ECEL1: variants seen among roughly 807,000 people sequenced by gnomAD.
ECEL1 encodes endothelin-converting enzyme-like 1.
A neutral mutation model predicts 101.8 loss-of-function variants in ECEL1; 87 were observed. That is an observed-to-expected ratio of 0.85 (90% CI 0.72 to 1.02). ECEL1 has a LOEUF of 1.02. Ranked by LOEUF, ECEL1 falls within the 50% of genes least tolerant of loss-of-function variation. The pLI, the probability that ECEL1 is intolerant of heterozygous loss-of-function variation, is 0.00. For missense variants in ECEL1, 1,032 were observed against 1,079.2 expected (o/e 0.96, Z 0.61); for synonymous variants, 487 against 468.7 (o/e 1.04, Z -0.50).
In ECEL1 at chr2:232,486,203, C is replaced by T; in HGVS notation, c.451G>A (p.Ala151Thr). ...PDDKLTYGTI[A>T]AIGEQNEERL... ...TCCTCGTTTTGCTCGCCGATGGCCG[C>T]GATGGTGCCATAGGTGAGCTTGTCG... The change falls in exon 2 of 18, where the codon GCG becomes ACG. Residue 151 changes from alanine to threonine, a missense_variant. Transcript: ENST00000304546. The T allele has an allele frequency of 6.3e-7, 1 of 1,598,558 alleles. No homozygotes were observed.
At chr2:232,487,620 G>A (rs138506831) in intron 1 of ECEL1, 99 bp downstream of exon 1, 3,302 of 153,238 alleles carry the variant, frequency 0.022, 66 homozygotes, top group Non-Finnish European at 0.029. Context: ...GCAGCCGAGA[G>A]GACGCAGACA....
chr2:232,481,223 C>A, intron 14 of ECEL1, 67 bp from the exon 15 acceptor site: 1 of 1,527,620 alleles, frequency 6.5e-7, no homozygotes. Flanking sequence ...GCATTGATAC[C>A]CTGGGCCCCA....
Position 232,480,158 on chromosome 2 carries a change from A to C in ECEL1, c.2323T>G (p.Trp775Gly). 6.2e-7 allele frequency: 1 copy of C among 1,613,302 alleles called. No individual in the cohort carries two copies. ...GTGCAGGCGGGCAGCCAGGCTCACC[A>C]CACGGAACACTTGTGGGCAGGGTTC... Reference protein sequence around the residue: ...PMNPAHKCSVW With the variant: ...PMNPAHKCSVG The change falls in exon 18 of 18, where the codon TGG becomes GGG. Residue 775 changes from tryptophan to glycine, a missense_variant. Transcript: ENST00000304546.
intron 2 of ECEL1, among the ~76,000 whole-genome samples, chr2:232,485,477 C>T (rs984964722): frequency 6.6e-6 from 1 of 152,212 alleles, no homozygotes; most frequent in Non-Finnish European, 1.5e-5. Context: ...AATCTTACCC[C>T]TGTACGTCTG....
Position 232,485,948 on chromosome 2 carries a change from G to A in ECEL1, c.706C>T (p.Gln236Ter). The change falls in exon 2 of 18, where the codon CAG becomes TAG. Residue 236 changes from glutamine to a stop codon, truncating the protein, a stop_gained. Transcript: ENST00000304546. LOFTEE classifies it high-confidence loss of function. ...WDLNRLLYKAQGVYSAAALFS... is the reference protein window; with the variant it reads ...WDLNRLLYKA ...AGCGCGGCGGCGCTGTACACGCCCTGCGCCTTGTACAGCAGCCGGTTGAGG... is the reference window on the plus strand; with the variant it reads ...AGCGCGGCGGCGCTGTACACGCCCTACGCCTTGTACAGCAGCCGGTTGAGG... 6.3e-7 allele frequency: 1 copy of A among 1,588,286 alleles called. No individual in the cohort carries two copies. Among genetic ancestry groups the A allele is most frequent in the South Asian group, 1.1e-5 (1 of 87,972 alleles).
At chr2:232,482,015 C>CT (rs1690593169) in intron 12 of ECEL1, among the ~76,000 whole-genome samples, 166 bp from the exon 13 acceptor site, 1 of 152,230 alleles carries the variant, frequency 6.6e-6, no homozygotes, top group Non-Finnish European at 1.5e-5. Context: ...TCCTCATGCG[C>CT]TATGTGAATG....
Position 232,481,139 on chromosome 2 carries a change from C to A in ECEL1, c.2007G>T (p.Thr669=). The change falls in exon 15 of 18, where the codon ACG becomes ACT. Residue 669 remains threonine, a synonymous_variant. Transcript: ENST00000304546. ...CCATATCTGCGATGTTCTCCCCAAG[C>A]GTGTGTTTCCCGTTCACCTGCCGGG... is the stretch of plus-strand genomic sequence containing the variant. ...VYNQRVNGKH[T]LGENIADMGG... The A allele has an allele frequency of 1.9e-6, 3 of 1,568,150 alleles. No homozygotes were observed. Among genetic ancestry groups the A allele is most frequent in the Non-Finnish European group, 2.6e-6 (3 of 1,156,300 alleles).
intron 10 of ECEL1, 50 bp downstream of exon 10, chr2:232,482,801 C>A (rs376563571): frequency 6.2e-7 from 1 of 1,602,840 alleles, no homozygotes; most frequent in African/African-American, 1.3e-5. Flanking sequence ...CAGCTCCTGC[C>A]CTTTCCCCAC....
At position 232,484,558 on chromosome 2, in the gene ECEL1, C is replaced by T. The variant is rs753009116; in HGVS notation, c.1098G>A (p.Glu366=). The part of the protein sequence containing the change: ...WKWLLDQIFQ[E]DFSEEEEVVL... ...CCACCTCCTCTTCCTCTGAGAAGTC[C>T]TCCTGGAAGATCTGGTCTAGCAGCC... Residue 366 remains glutamate (E), a synonymous_variant, in exon 6 of 18, where the codon GAG becomes GAA. Coordinates refer to ENST00000304546, the MANE Select transcript of ECEL1 (RefSeq NM_004826.4). 6.2e-7 allele frequency: 1 copy of T among 1,613,924 alleles called. No homozygotes were observed. Among genetic ancestry groups the T allele is most frequent in the Admixed American group, 1.7e-5 (1 of 60,022 alleles).
rs775399012 is a variant in ECEL1 at position 232,481,882 on chromosome 2, C to T, written c.1797-33G>A. On this transcript the variant is annotated intron_variant, in intron 12 of 17. Transcript: ENST00000304546. ...CACAGCAGCAGCATCAGGCCCTAGC[C>T]CTCCACCCTCTGAGAGCCCCATGCT... The T allele has an allele frequency of 6.2e-6, 10 of 1,612,400 alleles. No individual in the cohort carries two copies. The East Asian group carries it at 1.1e-4, about 18-fold the overall frequency.
intron 4 of ECEL1, 21 bp downstream of exon 4, chr2:232,484,960 C>T (rs777416433): frequency 5.6e-6 from 9 of 1,612,878 alleles, no homozygotes; most frequent in Non-Finnish European, 7.6e-6. Context: ...CCAGGGCAGC[C>T]TCCAGTCCTG....
At position 232,486,235 on chromosome 2, in the gene ECEL1, A is replaced by G. The variant is rs748150868; in HGVS notation, c.419T>C (p.Ile140Thr). 46 of 1,601,250 alleles carry G rather than the reference A, an allele frequency of 2.9e-5. No homozygotes were observed. The highest frequency in any genetic ancestry group is 3.6e-5 in the Non-Finnish European group (43 of 1,178,430). The change falls in exon 2 of 18, where the codon ATC becomes ACC. Residue 140 changes from isoleucine to threonine, a missense_variant. Transcript: ENST00000304546. Reference protein sequence around the residue: ...ACGGWLRRHAIPDDKLTYGTI... With the variant: ...ACGGWLRRHATPDDKLTYGTI... ...GCCATAGGTGAGCTTGTCGTCGGGG[A>G]TGGCGTGGCGCCGCAGCCAACCGCC...
At chr2:232,481,972 T>TTCGTGCGGTCCAGGGGCAC (rs1374779222) in intron 12 of ECEL1, 123 bp from the exon 13 acceptor site, 1 of 1,285,990 alleles carries the variant, frequency 7.8e-7, no homozygotes, top group African/African-American at 1.5e-5. Flanking sequence ...CACAGAGGCA[T>TTCGTGCGGTCCAGGGGCAC]CCGTGCGGTC....
rs34019519 is a variant in ECEL1, at chr2:232,483,446, G to A, written c.1476C>T (p.Asp492=). 1,122 of 1,611,868 alleles carry A rather than the reference G, an allele frequency of 7.0e-4. 8 individuals are homozygous for A. In the African/African-American group the frequency reaches 0.011, roughly 16 times the overall value. The change falls in exon 8 of 18, where the codon GAC becomes GAT. Residue 492 remains aspartate, a synonymous_variant. Transcript: ENST00000304546. Reference sequence around the variant, plus strand: ...CCCGAGCAGCAGCCCTGGTCTCGGCGTCCATCCAGTCCAGCTCCTCCAGGC... The same window carrying A: ...CCCGAGCAGCAGCCCTGGTCTCGGCATCCATCCAGTCCAGCTCCTCCAGGC... ...GQRLEELDWM[D]AETRAAARAK... is the part of the protein sequence containing the mutation.
Position 232,483,522 on chromosome 2 carries a change from G to A in ECEL1, c.1408-8C>T, listed in dbSNP as rs767019799. On this transcript the variant is annotated splice_region_variant and splice_polypyrimidine_tract_variant and intron_variant, in intron 7 of 17. Transcript: ENST00000304546. Reference sequence around the variant, plus strand: ...TTCCACTAGCTGCTGCACCTGCAGGGTCAGGGGTCAGGGAGCAAGGGTCAA... The same window carrying A: ...TTCCACTAGCTGCTGCACCTGCAGGATCAGGGGTCAGGGAGCAAGGGTCAA... 54 of 1,596,856 alleles carry A rather than the reference G, an allele frequency of 3.4e-5. No individual in the cohort carries two copies. Among genetic ancestry groups the A allele is most frequent in the Middle Eastern group, 1.7e-4 (1 of 5,926 alleles).
In ECEL1 at chr2:232,482,460, G is replaced by T; in HGVS notation, c.1754C>A (p.Ala585Glu). ...GTACAGGGTGGGCTGCAGGATGCCC[G>T]CGGGGAACACTACAAGAAGGGGGTG... is the stretch of plus-strand genomic sequence containing the variant. Reference protein sequence around the residue: ...LPNKNQMVFPAGILQPTLYDP... With the variant: ...LPNKNQMVFPEGILQPTLYDP... The change falls in exon 12 of 18, where the codon GCG becomes GAG. Residue 585 changes from alanine (A) to glutamate (E), a missense_variant. Coordinates refer to ENST00000304546, the MANE Select transcript of ECEL1 (RefSeq NM_004826.4). The T allele has an allele frequency of 6.2e-7, 1 of 1,614,020 alleles. No individual in the cohort carries two copies. Among genetic ancestry groups the T allele is most frequent in the Non-Finnish European group, 8.5e-7 (1 of 1,180,020 alleles).
At chr2:232,481,201 G>C in intron 14 of ECEL1, 45 bp from the exon 15 acceptor site, 1 of 1,546,930 alleles carries the variant, frequency 6.5e-7, no homozygotes, top group Non-Finnish European at 8.7e-7. Context: ...GGGCCCAGCT[G>C]GCCTCCCTCA....
chr2:232,481,015 C>A, intron 15 of ECEL1, 76 bp downstream of exon 15: 1 of 1,525,446 alleles, frequency 6.6e-7, no homozygotes, highest in East Asian at 2.5e-5. Flanking sequence ...GGAGAGGCAG[C>A]TCTGTCCCTC....
rs1423986238 is a variant in ECEL1, at chr2:232,486,485, G to T, written c.169C>A (p.Arg57=). The part of the protein sequence containing the change: ...GARSGLPRWN[R]REVCLLSGLV... ...CCCGACAGCAGGCACACCTCGCGCCGGTTCCAGCGCGGCAGCCCGGACCGG... is the reference window on the plus strand; with the variant it reads ...CCCGACAGCAGGCACACCTCGCGCCTGTTCCAGCGCGGCAGCCCGGACCGG... Residue 57 remains arginine (R), a synonymous_variant, in exon 2 of 18, where the codon CGG becomes AGG. Transcript: ENST00000304546. 7.0e-6 allele frequency: 10 copies of T among 1,419,308 alleles called. No homozygotes were observed. Among genetic ancestry groups the T allele is most frequent in the Non-Finnish European group, 9.1e-6 (10 of 1,096,994 alleles). 87.9% of individuals were successfully genotyped at this position (1,419,308 alleles called of 1,614,324 possible). A position where few individuals can be genotyped will look rare whatever the true frequency, so the allele number is the denominator to read the frequency against.
Sources: gnomAD v4.1 joint callset for allele counts (sites outside exome capture counted in the v4.1 genomes callset) on GRCh38, gnomAD v4.1.1 for gene constraint, MANE v1.5 for transcripts, NCBI Gene and HGNC (gene_info 2026-07-23, HGNC 2026-07-21) for gene names.